LRRC4C: variants seen among roughly 807,000 people sequenced by gnomAD.
LRRC4C encodes the protein leucine rich repeat containing 4C, also known as leucine-rich repeat-containing protein 4C.
A neutral mutation model predicts 33.6 loss-of-function variants in LRRC4C; 5 were observed. The ratio of observed to expected loss-of-function variants is 0.15; its 90% CI spans 0.08 to 0.31. The LOEUF (loss-of-function observed/expected upper bound fraction) is 0.31, where lower values mean the gene tolerates loss of function less well. Among genes scored for constraint, LRRC4C ranks in the 10% least tolerant of loss-of-function variants. The probability of loss-of-function intolerance (pLI) is 1.00; values close to 1 mark genes in which losing one functional copy is unlikely to be tolerated. For synonymous variants in LRRC4C, 329 were observed against 302.0 expected (o/e 1.09, Z -0.93); for missense variants, 560 against 796.7 (o/e 0.70, Z 3.58).
intron 1 of LRRC4C, among the ~76,000 whole-genome samples, chr11:41,397,695 T>G (rs1953873381): frequency 6.6e-6 from 1 of 151,140 alleles, no homozygotes; most frequent in Non-Finnish European, 1.5e-5. Flanking sequence ...AAAAAAGATA[T>G]TTATCTAATT....
At chr11:40,216,932 G>T (rs1219860527) in intron 5 of LRRC4C, among the ~76,000 whole-genome samples, 2 of 152,106 alleles carry the variant, frequency 1.3e-5, no homozygotes, top group East Asian at 1.9e-4. Flanking sequence ...GGAAATCCAG[G>T]ATCATTTTCA....
intron 1 of LRRC4C, among the ~76,000 whole-genome samples, chr11:41,322,706 A>G (rs1950994255): frequency 6.6e-6 from 1 of 152,172 alleles, no homozygotes; most frequent in Admixed American, 6.5e-5. Context: ...CACTTAATAC[A>G]TTAAAGTGTA....
rs533089658 is a variant in LRRC4C, at chr11:40,802,175, C to A, written c.-407+131460G>T. On this transcript the variant is annotated intron_variant, in intron 2 of 6. Transcript: ENST00000528697. ...GCAAGTGCAGCCAGGCTAATCACAA[C>A]TGCTGAGGCATCAGACTCCTGCACA... 3.9e-5 allele frequency among the ~76,000 whole-genome samples: 6 copies of A among 152,292 alleles called. No individual in the cohort carries two copies. In the South Asian group the frequency reaches 1.2e-3, roughly 32 times the overall value.
At chr11:41,101,274 A>G (rs529418715) in intron 1 of LRRC4C, among the ~76,000 whole-genome samples, 1 of 152,302 alleles carries the variant, frequency 6.6e-6, no homozygotes, top group African/African-American at 2.4e-5. Context: ...AATATGTAGC[A>G]AAGTCCAGCA....
intron 4 of LRRC4C, chr11:40,292,140 C>G (rs1021927492): frequency 1.3e-5 from 2 of 151,712 alleles, no homozygotes; most frequent in African/African-American, 4.8e-5. Flanking sequence ...CCAAGAACAC[C>G]AAATTAACTG....
chr11:40,259,436 T>C (rs2136240838), intron 4 of LRRC4C, among the ~76,000 whole-genome samples: 1 of 152,294 alleles, frequency 6.6e-6, no homozygotes, highest in East Asian at 1.9e-4. Context: ...TTTGTCACTT[T>C]TGGCTTTTGT....
intron 5 of LRRC4C, among the ~76,000 whole-genome samples, chr11:40,178,586 C>T (rs1860712604): frequency 1.3e-5 from 2 of 152,158 alleles, no homozygotes; most frequent in Admixed American, 1.3e-4. Context: ...TACATTTGTC[C>T]CCCTATATCC....
rs534443409 is a variant in LRRC4C, at chr11:40,460,035, A to G, written c.-269-140314T>C. Among the ~76,000 whole-genome samples the G allele has an allele frequency of 2.6e-5, 4 of 152,254 alleles. No homozygotes were observed. The South Asian group carries it at 8.3e-4, about 32-fold the overall frequency. On this transcript the variant is annotated intron_variant, in intron 3 of 6. Transcript: ENST00000528697. ...TTTTCAGGGTGTGGTAAAAGCTAAG[A>G]ACAGAAAGCAGCAAGACAATTGCAG...
At chr11:40,201,658 A>G (rs1282624551) in intron 5 of LRRC4C, among the ~76,000 whole-genome samples, 2 of 152,164 alleles carry the variant, frequency 1.3e-5, no homozygotes, top group Non-Finnish European at 2.9e-5. Context: ...TAGAACTCCC[A>G]TAAGAACTCA....
chr11:41,141,375 TA>T (rs898145122), intron 1 of LRRC4C, among the ~76,000 whole-genome samples: 3 of 150,872 alleles, frequency 2.0e-5, no homozygotes, highest in Non-Finnish European at 3.0e-5. Flanking sequence ...AAATTTCTCT[TA>T]AAAAAAAAGA....
intron 2 of LRRC4C, among the ~76,000 whole-genome samples, chr11:40,660,793 A>C (rs1943394346): frequency 6.6e-6 from 1 of 152,196 alleles, no homozygotes; most frequent in Non-Finnish European, 1.5e-5. Flanking sequence ...TAATTTCCAC[A>C]AGAATATATT....
intron 3 of LRRC4C, among the ~76,000 whole-genome samples, chr11:40,466,539 ATAT>A (rs1311286676): frequency 5.3e-5 from 8 of 151,880 alleles, no homozygotes; most frequent in Admixed American, 1.3e-4. Context: ...AATATAAATA[ATAT>A]TATGTATACT....
intron 3 of LRRC4C, among the ~76,000 whole-genome samples, chr11:40,602,774 G>A (rs1348183779): frequency 6.6e-6 from 1 of 152,140 alleles, no homozygotes. Flanking sequence ...GAAACAGCAG[G>A]TACAGTGTTG....
chr11:40,738,922 G>T (rs978139858), intron 2 of LRRC4C, among the ~76,000 whole-genome samples: 1 of 151,884 alleles, frequency 6.6e-6, no homozygotes, highest in Non-Finnish European at 1.5e-5. Context: ...CTACTTTTGG[G>T]TACAATGTGA....
chr11:40,485,982 G>A (rs1479768357), intron 3 of LRRC4C, among the ~76,000 whole-genome samples: 3 of 151,808 alleles, frequency 2.0e-5, no homozygotes, highest in Admixed American at 1.3e-4. Context: ...AACACACACC[G>A]AGGCCTATGG....
chr11:40,878,637 TC>T (rs1357463895), intron 2 of LRRC4C, among the ~76,000 whole-genome samples: 1 of 152,186 alleles, frequency 6.6e-6, no homozygotes, highest in African/African-American at 2.4e-5. Context: ...GCCACTCACC[TC>T]CTACTGTGCA....
chr11:40,614,924 T>C (rs1439691542), intron 3 of LRRC4C, among the ~76,000 whole-genome samples: 1 of 151,444 alleles, frequency 6.6e-6, no homozygotes, highest in Non-Finnish European at 1.5e-5. Context: ...AATAGCAACA[T>C]CTAAGATAAG....
intron 3 of LRRC4C, among the ~76,000 whole-genome samples, chr11:40,440,755 C>G (rs1227318105): frequency 6.6e-6 from 1 of 152,100 alleles, no homozygotes; most frequent in Non-Finnish European, 1.5e-5. Context: ...TTCTTTATAG[C>G]TAAAATTAAC....
chr11:40,653,489 G>C (rs1942926965), intron 2 of LRRC4C, among the ~76,000 whole-genome samples: 3 of 152,180 alleles, frequency 2.0e-5, no homozygotes, highest in Admixed American at 2.0e-4. Context: ...CTTTGAACTT[G>C]AGAGAGATGA....
Sources: allele counts gnomAD v4.1 joint callset (sites outside exome capture counted in the v4.1 genomes callset), GRCh38; gene constraint gnomAD v4.1.1; transcripts MANE v1.5; gene names NCBI Gene and HGNC (gene_info 2026-07-23, HGNC 2026-07-21).